Variants in HEXA observed in about 807,000 individuals in gnomAD.
The protein encoded by HEXA is beta-hexosaminidase subunit alpha.
In HEXA, 54 loss-of-function variants were observed where a neutral mutation model predicts 73.3. That is an observed-to-expected ratio of 0.74 (90% CI 0.59 to 0.92). HEXA has a LOEUF of 0.92. HEXA is among the 40% of genes least tolerant of loss of function. The probability of loss-of-function intolerance (pLI) is 0.00; values close to 1 mark genes in which losing one functional copy is unlikely to be tolerated. For missense variants in HEXA, 649 were observed against 653.0 expected (o/e 0.99, Z 0.07); for synonymous variants, 230 against 246.9 (o/e 0.93, Z 0.64).
At chr15:72,346,011 A>C in intron 12 of HEXA, 2 of 593,066 alleles carry the variant, frequency 3.4e-6, no homozygotes, top group Non-Finnish European at 6.1e-6. Flanking sequence ...TAAGGTTAAC[A>C]ATCCCTATCC....
intron 1 of HEXA, chr15:72,358,215 A>G (rs2088810577): frequency 6.6e-6 from 1 of 152,090 alleles, no homozygotes; most frequent in South Asian, 2.1e-4. Context: ...CCCACACATC[A>G]TGGAGCCCCA....
intron 1 of HEXA, chr15:72,359,048 G>C (rs538660696): frequency 4.6e-5 from 7 of 152,382 alleles, no homozygotes; most frequent in Non-Finnish European, 1.0e-4. Context: ...AGTCTGGCTG[G>C]AACAGCAGGA....
At chr15:72,360,991 C>T (rs181319538) in intron 1 of HEXA, among the ~76,000 whole-genome samples, 86 of 152,316 alleles carry the variant, frequency 5.6e-4, no homozygotes, top group African/African-American at 1.8e-3. Context: ...CCTCAATCCA[C>T]TATAATCTGG....
Position 72,359,470 on chromosome 15 carries a change from G to A in HEXA, c.254-2853C>T, listed in dbSNP as rs560648694. On this transcript the variant is annotated intron_variant, in intron 1 of 13. Coordinates refer to ENST00000268097, the MANE Select transcript of HEXA (RefSeq NM_000520.6). ...AGCACTTTGGGAGGCTGAGGCAGGC[G>A]GATCACTTAAGGTCGGGAGTTAGTG... The A allele has an allele frequency of 5.9e-5, 9 of 151,948 alleles. No individual in the cohort carries two copies. In the South Asian group the frequency reaches 8.3e-4, roughly 14 times the overall value. The allele number at this position is 151,948 out of a possible 1,614,324, so 9.4% of individuals were successfully genotyped here.
chr15:72,366,794 T>C (rs2088923227), intron 1 of HEXA, among the ~76,000 whole-genome samples: 1 of 152,146 alleles, frequency 6.6e-6, no homozygotes, highest in African/African-American at 2.4e-5. Flanking sequence ...TTGGACCTTC[T>C]TCTCCTCGGA....
chr15:72,352,906 C>T (rs1180267597), intron 5 of HEXA, among the ~76,000 whole-genome samples, 162 bp downstream of exon 5: 1 of 152,174 alleles, frequency 6.6e-6, no homozygotes, highest in Non-Finnish European at 1.5e-5. Context: ...TCAGGTGATC[C>T]GCCCACCTCG....
intron 2 of HEXA, 39 bp downstream of exon 2, chr15:72,356,486 T>A (rs1303681651): frequency 2.5e-6 from 4 of 1,610,382 alleles, no homozygotes; most frequent in African/African-American, 1.3e-5. Flanking sequence ...TTCAGACAAG[T>A]GTTTGCTCTT....
chr15:72,359,022 G>A (rs774685868), intron 1 of HEXA: 3 of 152,350 alleles, frequency 2.0e-5, no homozygotes, highest in Non-Finnish European at 4.4e-5. Flanking sequence ...GCAATGTCAT[G>A]AGCACATGTG....
In HEXA at chr15:72,342,766, A is replaced by G. The variant is rs2140317650; in HGVS notation, c.*1311T>C. On this transcript the variant is annotated 3_prime_UTR_variant, in exon 14 of 14. Coordinates refer to ENST00000268097, the MANE Select transcript of HEXA (RefSeq NM_000520.6). ...CGCCTACGTTATTTTGGAATTGACC[A>G]GGGCCTCTGAGTCCTTCAAATTCAA... is the stretch of plus-strand genomic sequence containing the variant. 2.0e-5 allele frequency: 3 copies of G among 152,364 alleles called. No individual in the cohort carries two copies. In the East Asian group the frequency reaches 5.8e-4, roughly 29 times the overall value. 9.4% of individuals were successfully genotyped at this position (152,364 alleles called of 1,614,324 possible).
At chr15:72,349,012 G>T in intron 8 of HEXA, 67 bp downstream of exon 8, 2 of 1,312,888 alleles carry the variant, frequency 1.5e-6, no homozygotes, top group South Asian at 2.4e-5. Flanking sequence ...GCAGCCCCTC[G>T]GGTGCTAACT....
In HEXA at chr15:72,375,793, G is replaced by A. The variant is rs1226616459; in HGVS notation, c.180C>T (p.Val60=). Residue 60 remains valine (V), a synonymous_variant, in exon 1 of 14, where the codon GTC becomes GTT. Transcript: ENST00000268097. ...VSSAAQPGCS[V]LDEAFQRYRD... is the part of the protein sequence containing the mutation. ...GATAGCGCTGGAAGGCCTCGTCGAG[G>A]ACTGAGCAGCCGGGCTGCGCGGCCG... 6.2e-7 allele frequency: 1 copy of A among 1,614,254 alleles called. No homozygotes were observed. Among genetic ancestry groups the A allele is most frequent in the Non-Finnish European group, 8.5e-7 (1 of 1,180,044 alleles).
chr15:72,362,922 A>G (rs574731976), intron 1 of HEXA, among the ~76,000 whole-genome samples: 3 of 152,300 alleles, frequency 2.0e-5, no homozygotes, highest in Admixed American at 1.3e-4. Flanking sequence ...TCGGTTATAA[A>G]GTGGTAGCTG....
chr15:72,371,694 T>C (rs1246178700), intron 1 of HEXA, among the ~76,000 whole-genome samples: 1 of 151,516 alleles, frequency 6.6e-6, no homozygotes, highest in Non-Finnish European at 1.5e-5. Flanking sequence ...ATTTTACAAA[T>C]AATTACTACA....
intron 1 of HEXA, among the ~76,000 whole-genome samples, chr15:72,361,563 C>G (rs181438861): frequency 1.1e-3 from 161 of 152,228 alleles, no homozygotes; most frequent in African/African-American, 3.5e-3. Flanking sequence ...AAACATAAAA[C>G]TAATCTAACT....
At chr15:72,375,613 C>G in intron 1 of HEXA, 107 bp downstream of exon 1, 1 of 1,281,068 alleles carries the variant, frequency 7.8e-7, no homozygotes, top group Non-Finnish European at 1.1e-6. Flanking sequence ...TGCCTGTGAT[C>G]AGAGGGCTGG....
Position 72,346,220 on chromosome 15 carries a change from C to T in HEXA, c.1421+15G>A, listed in dbSNP as rs185764548. ...CTCAGGCCCAACCCTCCACCTCCCC[C>T]CCGAAAACCCTTACCAGAGCCTGGG... On this transcript the variant is annotated intron_variant, in intron 12 of 13. Transcript: ENST00000268097. 1.6e-5 allele frequency: 26 copies of T among 1,603,850 alleles called. 1 individual carries two copies. The highest frequency in any genetic ancestry group is 6.6e-5 in the South Asian group (6 of 90,622).
rs1567296889 is a variant in HEXA, at chr15:72,348,105, A to G, written c.1016T>C (p.Met339Thr). Residue 339 changes from methionine (M) to threonine (T), a missense_variant, in exon 9 of 14, where the codon ATG becomes ACG. Transcript: ENST00000268097. ...WKSNPEIQDF[M>T]RKKGFGEDFK... Reference sequence around the variant, plus strand: ...GTCCTCACCGAAGCCTTTCTTCCTCATAAAGTCCTGGATCTCTGGGTTGGA... The same window carrying G: ...GTCCTCACCGAAGCCTTTCTTCCTCGTAAAGTCCTGGATCTCTGGGTTGGA... 1.9e-6 allele frequency: 3 copies of G among 1,613,388 alleles called. No individual in the cohort carries two copies. The highest frequency in any genetic ancestry group is 1.7e-6 in the Non-Finnish European group (2 of 1,179,296).
chr15:72,362,460 A>G (rs2088863651), intron 1 of HEXA: 1 of 455,872 alleles, frequency 2.2e-6, no homozygotes, highest in Non-Finnish European at 4.4e-6. Context: ...CATTCAGTAC[A>G]TGTTTGCTGA....
At position 72,341,120 on chromosome 15, in the gene HEXA, G is replaced by C. The variant is rs2088551253; in HGVS notation, c.*2957C>G. The C allele has an allele frequency of 6.6e-6, 1 of 152,018 alleles. No homozygotes were observed. The highest frequency in any genetic ancestry group is 6.6e-5 in the Admixed American group (1 of 15,246). 9.4% of individuals were successfully genotyped at this position (152,018 alleles called of 1,614,324 possible). A position where few individuals can be genotyped will look rare whatever the true frequency, so the allele number is the denominator to read the frequency against. ...TACAAATCTAGAATTTAGAGTGCTA[G>C]GAATGTTGCCATAAGGTATGTGTAC... On this transcript the variant is annotated 3_prime_UTR_variant, in exon 14 of 14. Coordinates refer to ENST00000268097, the MANE Select transcript of HEXA (RefSeq NM_000520.6).
Sources: allele counts gnomAD v4.1 joint callset (sites outside exome capture counted in the v4.1 genomes callset), GRCh38; gene constraint gnomAD v4.1.1; transcripts MANE v1.5; gene names NCBI Gene and HGNC (gene_info 2026-07-23, HGNC 2026-07-21).